Variants in WDR89 observed in about 807,000 individuals in gnomAD.
The protein encoded by WDR89 is WD repeat-containing protein 89.
A neutral mutation model predicts 29.1 loss-of-function variants in WDR89; 17 were observed. That is an observed-to-expected ratio of 0.58 (90% CI 0.40 to 0.88). WDR89 has a LOEUF of 0.88. Ranked by LOEUF, WDR89 falls within the 40% of genes least tolerant of loss-of-function variation. The probability of loss-of-function intolerance (pLI) is 0.00; values close to 1 mark genes in which losing one functional copy is unlikely to be tolerated. For synonymous variants in WDR89, 138 were observed against 157.8 expected, an observed-to-expected ratio of 0.87 and a Z score of 0.94; for missense variants, 396 against 456.3, an observed-to-expected ratio of 0.87 and a Z score of 1.20.
chr14:63,622,891 A>AT (rs774451046), intron 2 of WDR89, among the ~76,000 whole-genome samples: 1 of 152,172 alleles, frequency 6.6e-6, no homozygotes, highest in Non-Finnish European at 1.5e-5. Context: ...TCGAAGCTAG[A>AT]TTTTAACAAG....
At chr14:63,620,781 T>G (rs752329428) in intron 2 of WDR89, among the ~76,000 whole-genome samples, 48 of 151,482 alleles carry the variant, frequency 3.2e-4, no homozygotes, top group Admixed American at 9.2e-4. Flanking sequence ...ACCTGTAGTC[T>G]CAGCTACTCA....
intron 2 of WDR89, among the ~76,000 whole-genome samples, chr14:63,600,935 G>A (rs904444291): frequency 6.6e-6 from 1 of 152,084 alleles, no homozygotes; most frequent in African/African-American, 2.4e-5. Flanking sequence ...GGTAACAACT[G>A]TCTTCAAAAG....
At chr14:63,625,825 G>A (rs551836968) in intron 1 of WDR89, among the ~76,000 whole-genome samples, 1 of 150,936 alleles carries the variant, frequency 6.6e-6, no homozygotes, top group Admixed American at 6.6e-5. Context: ...TAAACACAAA[G>A]AAGCAAAACA....
intron 1 of WDR89, 135 bp downstream of exon 1, chr14:63,641,669 A>C (rs1300071405): frequency 1.3e-5 from 2 of 152,324 alleles, no homozygotes; most frequent in Non-Finnish European, 1.5e-5. Flanking sequence ...CTCCGTCCAG[A>C]CCTCCCACTT....
At chr14:63,625,115 C>T (rs1882947371) in intron 1 of WDR89, 82 bp from the exon 2 acceptor site, 1 of 151,938 alleles carries the variant, frequency 6.6e-6, no homozygotes, top group Non-Finnish European at 1.5e-5. Context: ...AAATATCTGT[C>T]ATCTGCTGAA....
At chr14:63,615,902 C>T (rs1216409524) in intron 2 of WDR89, among the ~76,000 whole-genome samples, 7 of 144,860 alleles carry the variant, frequency 4.8e-5, no homozygotes, top group South Asian at 2.2e-4. Context: ...CCAGCCTTGG[C>T]GACAGAGCAA....
intron 2 of WDR89, among the ~76,000 whole-genome samples, chr14:63,617,212 C>A (rs761027319): frequency 1.3e-5 from 2 of 151,150 alleles, no homozygotes; most frequent in Non-Finnish European, 2.9e-5. Context: ...CCAAGGAGCT[C>A]GGATTACAGG....
intron 2 of WDR89, chr14:63,601,375 C>G: frequency 1.7e-6 from 1 of 600,298 alleles, no homozygotes. Flanking sequence ...TGCTCTAAAC[C>G]ACCATACTAG....
chr14:63,598,634 T>G lies in WDR89; in HGVS notation c.*145A>C, dbSNP rs2139822119. 1 of 671,612 alleles carries G rather than the reference T, an allele frequency of 1.5e-6. No individual in the cohort carries two copies. Among genetic ancestry groups the G allele is most frequent in the South Asian group, 4.4e-5 (1 of 22,970 alleles). The allele number at this position is 671,612 out of a possible 1,614,324, so 41.6% of individuals were successfully genotyped here. A position where few individuals can be genotyped will look rare whatever the true frequency, so the allele number is the denominator to read the frequency against. On this transcript the variant is annotated 3_prime_UTR_variant, in exon 3 of 3. Transcript: ENST00000620954. ...TTTTAGAATATGTGAAGACCGGAAT[T>G]AAACCATTCTCACCATATTTTTCCA...
At chr14:63,619,979 T>C (rs1409779917) in intron 2 of WDR89, among the ~76,000 whole-genome samples, 4 of 126,690 alleles carry the variant, frequency 3.2e-5, no homozygotes, top group African/African-American at 6.3e-5. Context: ...CACTCCAGGC[T>C]GGGTGACAGA....
At chr14:63,627,428 TA>T (rs1303213140) in intron 1 of WDR89, among the ~76,000 whole-genome samples, 1 of 152,154 alleles carries the variant, frequency 6.6e-6, no homozygotes, top group Admixed American at 6.5e-5. Flanking sequence ...GTAGCTTTTA[TA>T]AAAAAATTAA....
At chr14:63,639,480 A>G (rs1407179312) in intron 1 of WDR89, among the ~76,000 whole-genome samples, 1 of 152,168 alleles carries the variant, frequency 6.6e-6, no homozygotes, top group Non-Finnish European at 1.5e-5. Flanking sequence ...CAGAAAGAAT[A>G]AATGTGTGTT....
At chr14:63,611,676 T>G (rs986926292) in intron 2 of WDR89, among the ~76,000 whole-genome samples, 1 of 151,932 alleles carries the variant, frequency 6.6e-6, no homozygotes, top group African/African-American at 2.4e-5. Flanking sequence ...TTTGCAACTT[T>G]TCTGTAAACC....
At chr14:63,639,237 A>G (rs1883935559) in intron 1 of WDR89, among the ~76,000 whole-genome samples, 1 of 152,016 alleles carries the variant, frequency 6.6e-6, no homozygotes, top group Non-Finnish European at 1.5e-5. Context: ...ACAATAAATG[A>G]GGCTGAGCAT....
At position 63,597,164 on chromosome 14, in the gene WDR89, G is replaced by GA. The variant is rs1894835867; in HGVS notation, c.*1614dup. On this transcript the variant is annotated 3_prime_UTR_variant, in exon 3 of 3. Transcript: ENST00000620954. ...GCACCTTCTTCACAAGGCTTCAGGA[G>GA]AAAGAGTGAGGAGTTAAAGGGGCAG... 6.6e-6 allele frequency: 1 copy of GA among 152,184 alleles called. No individual in the cohort carries two copies. Among genetic ancestry groups the GA allele is most frequent in the African/African-American group, 2.4e-5 (1 of 41,462 alleles). The allele number at this position is 152,184 out of a possible 1,614,324, so 9.4% of individuals were successfully genotyped here.
At chr14:63,604,672 A>T (rs1895225468) in intron 2 of WDR89, among the ~76,000 whole-genome samples, 2 of 152,234 alleles carry the variant, frequency 1.3e-5, no homozygotes, top group African/African-American at 4.8e-5. Context: ...TTCACTCAAT[A>T]TAATTTTTAA....
chr14:63,629,670 G>A (rs906026264), intron 1 of WDR89, among the ~76,000 whole-genome samples: 6 of 152,206 alleles, frequency 3.9e-5, no homozygotes, highest in Admixed American at 6.5e-5. Context: ...ATCATAATGT[G>A]TGATGTTGGA....
intron 2 of WDR89, chr14:63,601,771 T>G: frequency 7.8e-7 from 1 of 1,290,212 alleles, no homozygotes; most frequent in Non-Finnish European, 1.1e-6. Flanking sequence ...AAGGATTATT[T>G]CCTATTTAGA....
chr14:63,629,763 T>C (rs1883280671), intron 1 of WDR89, among the ~76,000 whole-genome samples: 1 of 152,158 alleles, frequency 6.6e-6, no homozygotes, highest in Non-Finnish European at 1.5e-5. Flanking sequence ...AACGTCAAAC[T>C]TTATTTTTTT....
Sources: gnomAD v4.1 joint callset for allele counts (sites outside exome capture counted in the v4.1 genomes callset) on GRCh38, gnomAD v4.1.1 for gene constraint, MANE v1.5 for transcripts, NCBI Gene and HGNC (gene_info 2026-07-23, HGNC 2026-07-21) for gene names.